COG5: variants seen among roughly 807,000 people sequenced by gnomAD.
The protein encoded by COG5 is conserved oligomeric Golgi complex subunit 5.
COG5 carries 86 observed loss-of-function variants against 110.4 expected under a neutral mutation model. The ratio of observed to expected loss-of-function variants is 0.78; its 90% CI spans 0.65 to 0.93. COG5 has a LOEUF of 0.93. COG5 is among the 40% of genes least tolerant of loss of function. The pLI is 0.00. For synonymous variants in COG5, 360 were observed against 334.6 expected (o/e 1.08, Z -0.83); for missense variants, 1,077 against 987.0 (o/e 1.09, Z -1.22).
intron 6 of COG5, among the ~76,000 whole-genome samples, chr7:107,446,214 G>T (rs544120316): frequency 2.0e-5 from 3 of 152,154 alleles, no homozygotes; most frequent in Non-Finnish European, 4.4e-5. Flanking sequence ...TTCAAAAATA[G>T]TAAGTCCTGA....
chr7:107,346,204 CATATT>C (rs1465937214), intron 10 of COG5, among the ~76,000 whole-genome samples: 1 of 152,130 alleles, frequency 6.6e-6, no homozygotes, highest in African/African-American at 2.4e-5. Flanking sequence ...CAAGAACAAA[CATATT>C]ATGGAAACAT....
chr7:107,380,175 C>G (rs1240220059), intron 7 of COG5, among the ~76,000 whole-genome samples: 1 of 152,048 alleles, frequency 6.6e-6, no homozygotes, highest in Non-Finnish European at 1.5e-5. Context: ...ACAGCTAAAG[C>G]AGTGTTTAGA....
At chr7:107,301,822 T>C (rs1327588161) in intron 11 of COG5, among the ~76,000 whole-genome samples, 1 of 151,976 alleles carries the variant, frequency 6.6e-6, no homozygotes, top group Non-Finnish European at 1.5e-5. Context: ...TAAGCCAAGA[T>C]CGTGCCACTG....
chr7:107,245,095 A>G (rs1456958464), intron 17 of COG5, among the ~76,000 whole-genome samples: 1 of 152,258 alleles, frequency 6.6e-6, no homozygotes, highest in East Asian at 1.9e-4. Context: ...TCACATCAAC[A>G]GAGCTAAAGG....
chr7:107,252,890 T>C (rs931931217), intron 16 of COG5, among the ~76,000 whole-genome samples: 1 of 152,102 alleles, frequency 6.6e-6, no homozygotes, highest in African/African-American at 2.4e-5. Flanking sequence ...AAACTAAGAA[T>C]AGAAGGGAAC....
chr7:107,362,008 TA>T (rs780731393), intron 10 of COG5, 24 bp downstream of exon 10: 7 of 1,473,962 alleles, frequency 4.7e-6, no homozygotes, highest in Non-Finnish European at 6.6e-6. Context: ...AAGAAAGATG[TA>T]AAAATATTTT....
chr7:107,522,240 G>A (rs961864857), intron 6 of COG5, among the ~76,000 whole-genome samples: 6 of 152,124 alleles, frequency 3.9e-5, no homozygotes, highest in South Asian at 2.1e-4. Context: ...AGGCCGAGGC[G>A]GGCAGGTCAC....
intron 1 of COG5, among the ~76,000 whole-genome samples, chr7:107,558,468 A>G (rs999629509): frequency 1.3e-5 from 2 of 151,982 alleles, no homozygotes; most frequent in Admixed American, 1.3e-4. Flanking sequence ...GCTGGGCATC[A>G]TGGCGGGTGC....
intron 7 of COG5, among the ~76,000 whole-genome samples, chr7:107,409,383 CCAGTAGATTACTGAAAGTAATCTACTTT>C (rs539547182): frequency 6.7e-6 from 1 of 150,104 alleles, no homozygotes; most frequent in African/African-American, 2.5e-5. Context: ...CAGCAGTCAC[CCAGTAGATTACTGAAAGTAATCTACTTT>C]CAGTAGATTC....
chr7:107,205,954 G>GTT (rs11310380), intron 21 of COG5, among the ~76,000 whole-genome samples: 23 of 143,406 alleles, frequency 1.6e-4, no homozygotes, highest in South Asian at 6.7e-4. Context: ...AAGTGTAGCT[G>GTT]TTTTTTTTTT....
chr7:107,268,315 A>C (rs1299103108), intron 14 of COG5, among the ~76,000 whole-genome samples: 1 of 152,218 alleles, frequency 6.6e-6, no homozygotes, highest in Non-Finnish European at 1.5e-5. Context: ...AGTTCAGCTA[A>C]AGTCCTAATA....
intron 17 of COG5, among the ~76,000 whole-genome samples, chr7:107,237,287 T>G (rs1801269332): frequency 1.3e-5 from 2 of 152,250 alleles, no homozygotes; most frequent in African/African-American, 4.8e-5. Context: ...GATCAACAAA[T>G]GATACCAGCT....
At chr7:107,493,182 C>A (rs762723624) in intron 6 of COG5, among the ~76,000 whole-genome samples, 1 of 152,132 alleles carries the variant, frequency 6.6e-6, no homozygotes, top group Non-Finnish European at 1.5e-5. Flanking sequence ...CCTTCCACCA[C>A]GTAAGGATGC....
At chr7:107,290,118 A>C (rs536203982) in intron 12 of COG5, among the ~76,000 whole-genome samples, 1 of 152,368 alleles carries the variant, frequency 6.6e-6, no homozygotes, top group South Asian at 2.1e-4. Context: ...AAACAAATGC[A>C]TAACTGACTG....
Position 107,474,318 on chromosome 7 carries a change from A to G in COG5, c.538+52919T>C. On this transcript the variant is annotated intron_variant, in intron 6 of 21. Coordinates refer to ENST00000297135, the MANE Select transcript of COG5 (RefSeq NM_006348.5). This position sits in a 1 kb window ranked among gnomAD's most constrained non-coding sequence, Gnocchi z 5.7. ...ACATTATTACAATGAATCTTCATGT[A>G]CTTGATGTAATAATTTGTGTGGGAT... The G allele has an allele frequency of 6.2e-7, 1 of 1,611,566 alleles. No homozygotes were observed. Among genetic ancestry groups the G allele is most frequent in the Non-Finnish European group, 8.5e-7 (1 of 1,177,884 alleles).
rs1218058088 is a variant in COG5, at chr7:107,541,707, CG to C, written c.417+6403del. On this transcript the variant is annotated intron_variant, in intron 5 of 21. Coordinates refer to ENST00000297135, the MANE Select transcript of COG5 (RefSeq NM_006348.5). ...CAGCACTTTGGGAGGCTGAGGCGTG[CG>C]GATCACGAGGTCAGAAGTTCGAGAC... 3.3e-5 allele frequency among the ~76,000 whole-genome samples: 5 copies of C among 150,140 alleles called. No individual in the cohort carries two copies. The East Asian group carries it at 9.8e-4, about 29-fold the overall frequency.
rs113788644 is a variant in COG5 at position 107,281,211 on chromosome 7, C to G, written c.1575+89G>C. On this transcript the variant is annotated intron_variant, in intron 14 of 21. Transcript: ENST00000297135. ...GTAAAAATGGAAGTAAGTAAATAGT[C>G]AATTCAATATTTATGATTAGTCAAG... is the stretch of plus-strand genomic sequence containing the variant. 1.2e-4 allele frequency: 102 copies of G among 860,528 alleles called. No homozygotes were observed. In the African/African-American group the frequency reaches 1.5e-3, roughly 13 times the overall value. The allele number at this position is 860,528 out of a possible 1,614,324, so 53.3% of individuals were successfully genotyped here.
chr7:107,263,464 T>C lies in COG5; in HGVS notation c.1576-5081A>G, dbSNP rs746005081. Among the ~76,000 whole-genome samples the C allele has an allele frequency of 2.6e-5, 4 of 152,216 alleles. 1 individual carries two copies. The South Asian group carries it at 8.3e-4, about 32-fold the overall frequency. Reference sequence around the variant, plus strand: ...ATTCAACATTGTAAAATAGGAGAAATGTACATACTGGTTAATCATGTTACA... The same window carrying C: ...ATTCAACATTGTAAAATAGGAGAAACGTACATACTGGTTAATCATGTTACA... On this transcript the variant is annotated intron_variant, in intron 14 of 21. Coordinates refer to ENST00000297135, the MANE Select transcript of COG5 (RefSeq NM_006348.5).
chr7:107,547,341 C>G (rs1023144198), intron 5 of COG5, among the ~76,000 whole-genome samples: 3 of 151,596 alleles, frequency 2.0e-5, no homozygotes, highest in Admixed American at 6.6e-5. Flanking sequence ...GTTAAAAACT[C>G]AAAAAAAACT....
Sources: gnomAD v4.1 joint callset for allele counts (sites outside exome capture counted in the v4.1 genomes callset) on GRCh38, gnomAD v4.1.1 for gene constraint, Gnocchi (gnomAD v3.1) non-coding constraint, MANE v1.5 for transcripts, NCBI Gene and HGNC (gene_info 2026-07-23, HGNC 2026-07-21) for gene names.